The following BTBD8 variants were observed in gnomAD, a reference collection of about 807,000 sequenced individuals.
The protein encoded by BTBD8 is BTB/POZ domain-containing protein 8.
In BTBD8, 110 loss-of-function variants were observed where a neutral mutation model predicts 162.9. That is an observed-to-expected ratio of 0.68 (90% CI 0.58 to 0.79). The LOEUF (loss-of-function observed/expected upper bound fraction) is 0.79, where lower values mean the gene tolerates loss of function less well. Ranked by LOEUF, BTBD8 falls within the 30% of genes least tolerant of loss-of-function variation. The probability of loss-of-function intolerance (pLI) is 0.00; values close to 1 mark genes in which losing one functional copy is unlikely to be tolerated. For missense variants in BTBD8, 1,905 were observed against 2,085.4 expected (o/e 0.91, Z 1.68); for synonymous variants, 667 against 716.1 (o/e 0.93, Z 1.10).
At chr1:92,166,926 A>T in intron 9 of BTBD8, 32 bp from the exon 10 acceptor site, 1 of 1,523,478 alleles carries the variant, frequency 6.6e-7, no homozygotes, top group Non-Finnish European at 8.8e-7. Context: ...CAGTAATAGC[A>T]TCTAACTTTC....
rs541369595 is a variant in BTBD8, at chr1:92,080,518, C to A, written c.-54C>A. 4.1e-5 allele frequency: 66 copies of A among 1,592,864 alleles called. No individual in the cohort carries two copies. Among genetic ancestry groups the A allele is most frequent in the Non-Finnish European group, 5.1e-5 (60 of 1,173,708 alleles). On this transcript the variant is annotated 5_prime_UTR_variant, in exon 1 of 18. Coordinates refer to ENST00000636805, the MANE Select transcript of BTBD8 (RefSeq NM_001376131.1). ...GAAACGCCCCCTTCTTCCTCCTGGG[C>A]GGGGCAAGTGAGGCCAAGTACTGGG...
chr1:92,105,090 G>A (rs911339638), intron 3 of BTBD8, among the ~76,000 whole-genome samples: 10 of 151,852 alleles, frequency 6.6e-5, no homozygotes, highest in Non-Finnish European at 8.8e-5. Context: ...CTGCCACCAC[G>A]CCTGGCTAAT....
rs114332680 is a variant in BTBD8, at chr1:92,139,162, A to G, written c.753-188A>G. Among the ~76,000 whole-genome samples the G allele has an allele frequency of 2.7e-3, 415 of 152,344 alleles. 2 individuals are homozygous for G. Among genetic ancestry groups the G allele is most frequent in the African/African-American group, 9.7e-3 (402 of 41,580 alleles). On this transcript the variant is annotated intron_variant, in intron 5 of 17. Transcript: ENST00000636805. Reference sequence around the variant, plus strand: ...ACTAATAACCTTGTATAACTTATATAAAAATCCATTGTTGTAGTTCTGTTT... The same window carrying G: ...ACTAATAACCTTGTATAACTTATATGAAAATCCATTGTTGTAGTTCTGTTT...
At chr1:92,094,934 A>C (rs956481783) in intron 2 of BTBD8, among the ~76,000 whole-genome samples, 1 of 152,234 alleles carries the variant, frequency 6.6e-6, no homozygotes, top group Non-Finnish European at 1.5e-5. Context: ...GGCGGTAGCC[A>C]TTGTCTCTCC....
intron 9 of BTBD8, among the ~76,000 whole-genome samples, chr1:92,163,539 A>G (rs1332706942): frequency 1.3e-5 from 2 of 151,804 alleles, no homozygotes; most frequent in African/African-American, 4.8e-5. Flanking sequence ...CAGGAAGGAG[A>G]GGAAGACTTT....
intron 2 of BTBD8, among the ~76,000 whole-genome samples, chr1:92,095,976 T>A (rs1174039411): frequency 6.7e-6 from 1 of 149,242 alleles, no homozygotes; most frequent in East Asian, 1.9e-4. Flanking sequence ...TCTTACTACT[T>A]TTTTTTTTTT....
chr1:92,104,021 G>A lies in BTBD8; in HGVS notation c.544+1352G>A, dbSNP rs919440090. Among the ~76,000 whole-genome samples the A allele has an allele frequency of 2.0e-5, 3 of 152,220 alleles. No homozygotes were observed. The South Asian group carries it at 6.2e-4, about 32-fold the overall frequency. ...AGGTATCTGGTAGATATTTAGGTGT[G>A]CATGTGTGCAGGTGCATGGCTCAGT... On this transcript the variant is annotated intron_variant, in intron 3 of 17. Coordinates refer to ENST00000636805, the MANE Select transcript of BTBD8 (RefSeq NM_001376131.1).
intron 13 of BTBD8, among the ~76,000 whole-genome samples, chr1:92,175,639 C>CA (rs2100684068): frequency 6.6e-6 from 1 of 151,032 alleles, no homozygotes. Context: ...TACTAAAATA[C>CA]AAAAAAATTA....
chr1:92,106,108 T>A (rs1648717405), intron 3 of BTBD8, among the ~76,000 whole-genome samples: 1 of 152,218 alleles, frequency 6.6e-6, no homozygotes, highest in African/African-American at 2.4e-5. Flanking sequence ...CTCTTGATTG[T>A]GAGATTGACC....
At chr1:92,173,545 T>C (rs1650621014) in intron 13 of BTBD8, among the ~76,000 whole-genome samples, 1 of 152,206 alleles carries the variant, frequency 6.6e-6, no homozygotes, top group African/African-American at 2.4e-5. Context: ...TACTGCAGAA[T>C]AGAACAAAGT....
intron 1 of BTBD8, among the ~76,000 whole-genome samples, chr1:92,086,846 G>A (rs1648174820): frequency 6.6e-6 from 1 of 152,100 alleles, no homozygotes; most frequent in South Asian, 2.1e-4. Context: ...CTTGATGTTG[G>A]ACTTCCCTGC....
intron 16 of BTBD8, among the ~76,000 whole-genome samples, chr1:92,179,453 T>A (rs1158094569): frequency 6.6e-6 from 1 of 152,166 alleles, no homozygotes; most frequent in Non-Finnish European, 1.5e-5. Context: ...CATTAACATA[T>A]GTAAAAGCAG....
chr1:92,128,076 A>T lies in BTBD8; in HGVS notation c.663-1611A>T, dbSNP rs564987358. Among the ~76,000 whole-genome samples the T allele has an allele frequency of 7.2e-4, 110 of 152,206 alleles. 1 individual carries two copies. The highest frequency in any genetic ancestry group is 2.1e-3 in the African/African-American group (88 of 41,512). On this transcript the variant is annotated intron_variant, in intron 4 of 17. Coordinates refer to ENST00000636805, the MANE Select transcript of BTBD8 (RefSeq NM_001376131.1). Reference sequence around the variant, plus strand: ...TCTGAACTGTATTTCAATATTTTCTAGCCTTACGAGTTACATTATTCCAAT... The same window carrying T: ...TCTGAACTGTATTTCAATATTTTCTTGCCTTACGAGTTACATTATTCCAAT...
intron 5 of BTBD8, among the ~76,000 whole-genome samples, chr1:92,137,348 A>G (rs1004633025): frequency 2.0e-5 from 3 of 152,194 alleles, no homozygotes; most frequent in African/African-American, 7.2e-5. Context: ...CAGGCCAGAA[A>G]CCTGTATGAG....
chr1:92,107,356 C>T (rs1648760475), intron 3 of BTBD8, among the ~76,000 whole-genome samples: 1 of 152,064 alleles, frequency 6.6e-6, no homozygotes, highest in Admixed American at 6.6e-5. Flanking sequence ...TTTTGGTCAA[C>T]AATGGACCAC....
At chr1:92,090,793 A>G (rs999776654) in intron 2 of BTBD8, among the ~76,000 whole-genome samples, 1 of 152,150 alleles carries the variant, frequency 6.6e-6, no homozygotes, top group Non-Finnish European at 1.5e-5. Context: ...TTAGCCGGGC[A>G]TGGTGGCGCA....
intron 4 of BTBD8, among the ~76,000 whole-genome samples, chr1:92,124,609 G>A (rs1192845101): frequency 6.6e-6 from 1 of 152,238 alleles, no homozygotes; most frequent in Non-Finnish European, 1.5e-5. Flanking sequence ...AAGAGTGAGG[G>A]TGAGCGCAGT....
intron 5 of BTBD8, among the ~76,000 whole-genome samples, chr1:92,135,391 G>A (rs189113362): frequency 2.0e-5 from 3 of 152,134 alleles, no homozygotes; most frequent in Non-Finnish European, 4.4e-5. Flanking sequence ...CACCATGTTG[G>A]CCAGGCTGGT....
intron 4 of BTBD8, chr1:92,114,866 T>A: frequency 5.9e-6 from 2 of 336,500 alleles, no homozygotes; most frequent in South Asian, 3.2e-5. Flanking sequence ...AAATTCATTG[T>A]CATGCTGGGA....
Sources: gnomAD v4.1 joint callset for allele counts (sites outside exome capture counted in the v4.1 genomes callset) on GRCh38, gnomAD v4.1.1 for gene constraint, MANE v1.5 for transcripts, NCBI Gene and HGNC (gene_info 2026-07-23, HGNC 2026-07-21) for gene names.